The following SGCZ variants were observed in gnomAD, a reference collection of about 807,000 sequenced individuals.
SGCZ encodes zeta-sarcoglycan.
SGCZ carries 40 observed loss-of-function variants against 41.3 expected under a neutral mutation model. That is an observed-to-expected ratio of 0.97 (90% CI 0.75 to 1.26). SGCZ has a LOEUF of 1.26. Among genes scored for constraint, SGCZ ranks in the 50% most tolerant of loss-of-function variants. SGCZ has a pLI of 0.00. For missense variants in SGCZ, 552 were observed against 369.8 expected (o/e 1.49, Z -4.04); for synonymous variants, 206 against 137.5 (o/e 1.50, Z -3.49).
intron 1 of SGCZ, among the ~76,000 whole-genome samples, chr8:14,839,327 G>A (rs576497285): frequency 6.6e-6 from 1 of 152,258 alleles, no homozygotes; most frequent in African/African-American, 2.4e-5. Flanking sequence ...TTACTGAGAT[G>A]ATGCACGCTT....
intron 3 of SGCZ, among the ~76,000 whole-genome samples, chr8:14,277,729 ATCTTC>A (rs984727121): frequency 1.3e-5 from 2 of 152,090 alleles, no homozygotes; most frequent in Non-Finnish European, 2.9e-5. Flanking sequence ...TAACTTCCTA[ATCTTC>A]TCTTGTTTCT....
chr8:14,395,732 A>G (rs10095027), intron 2 of SGCZ, among the ~76,000 whole-genome samples: 25,594 of 152,158 alleles, frequency 0.17, 5,078 homozygotes, highest in African/African-American at 0.48. Context: ...TTGAATGAAC[A>G]TAACCAGACA....
chr8:15,143,496 TC>T (rs1361238380), intron 1 of SGCZ, among the ~76,000 whole-genome samples: 2 of 152,238 alleles, frequency 1.3e-5, no homozygotes, highest in African/African-American at 4.8e-5. Context: ...GCTCCAGTTT[TC>T]CAAAGTGTTT....
intron 1 of SGCZ, among the ~76,000 whole-genome samples, chr8:14,652,712 A>T (rs923546137): frequency 6.6e-6 from 1 of 152,108 alleles, no homozygotes. Context: ...ATAGGAAAGG[A>T]AAGTTTGTTA....
At chr8:14,101,983 C>CGTGAATGGGA (rs987633469) in intron 7 of SGCZ, among the ~76,000 whole-genome samples, 1 of 150,826 alleles carries the variant, frequency 6.6e-6, no homozygotes, top group African/African-American at 2.4e-5. Flanking sequence ...CCCATGGGTT[C>CGTGAATGGGA]GTGAATGGGA....
intron 1 of SGCZ, among the ~76,000 whole-genome samples, chr8:14,636,726 G>A (rs1806840656): frequency 6.6e-6 from 1 of 151,728 alleles, no homozygotes; most frequent in African/African-American, 2.4e-5. Flanking sequence ...ACAAGTATAT[G>A]GGAAGTAACT....
intron 3 of SGCZ, among the ~76,000 whole-genome samples, chr8:14,272,053 G>C (rs992006991): frequency 6.6e-6 from 1 of 152,226 alleles, no homozygotes; most frequent in East Asian, 1.9e-4. Flanking sequence ...GCCCATGCTG[G>C]AGTTCAGTGG....
intron 3 of SGCZ, among the ~76,000 whole-genome samples, chr8:14,276,962 C>G (rs1027772004): frequency 6.6e-6 from 1 of 152,164 alleles, no homozygotes; most frequent in Non-Finnish European, 1.5e-5. Flanking sequence ...AATTATGTAA[C>G]GGGGCCTTTT....
At chr8:14,936,964 C>A (rs2130813978) in intron 1 of SGCZ, among the ~76,000 whole-genome samples, 2 of 151,774 alleles carry the variant, frequency 1.3e-5, no homozygotes, top group Middle Eastern at 7.2e-3. Flanking sequence ...AATTAAAAAA[C>A]ACAATATTTC....
At chr8:14,742,915 A>G (rs1196910161) in intron 1 of SGCZ, among the ~76,000 whole-genome samples, 1 of 152,140 alleles carries the variant, frequency 6.6e-6, no homozygotes, top group Non-Finnish European at 1.5e-5. Flanking sequence ...CCAAGAACCA[A>G]GGACCTAAAA....
intron 1 of SGCZ, among the ~76,000 whole-genome samples, chr8:15,193,656 C>T (rs1365246590): frequency 2.0e-5 from 3 of 152,158 alleles, no homozygotes; most frequent in African/African-American, 7.2e-5. Flanking sequence ...GCATTGTTCT[C>T]TTACAACTGC....
At position 14,085,285 on chromosome 8, in the gene SGCZ, A is replaced by C. The variant is rs1179569790; in HGVS notation, c.*5158T>G. ...CATATATCTATATATACAAGAAAAC[A>C]TTTACATGAAAGTACAAAACAAAAT... On this transcript the variant is annotated 3_prime_UTR_variant, in exon 8 of 8. Transcript: ENST00000382080. 6.6e-6 allele frequency among the ~76,000 whole-genome samples: 1 copy of C among 151,798 alleles called. No homozygotes were observed. The highest frequency in any genetic ancestry group is 1.5e-5 in the Non-Finnish European group (1 of 67,820).
intron 1 of SGCZ, among the ~76,000 whole-genome samples, chr8:14,926,610 T>TTTG (rs140379411): frequency 0.12 from 18,408 of 151,822 alleles, 1,261 homozygotes; most frequent in African/African-American, 0.19. Context: ...GTAGACAGTT[T>TTTG]TTTGTTTGTT....
At chr8:15,123,711 G>A (rs1027530908) in intron 1 of SGCZ, among the ~76,000 whole-genome samples, 1 of 152,142 alleles carries the variant, frequency 6.6e-6, no homozygotes, top group African/African-American at 2.4e-5. Flanking sequence ...GGGTGAACAA[G>A]GCACCTACCC....
chr8:14,544,474 T>C (rs1033299939), intron 2 of SGCZ, among the ~76,000 whole-genome samples: 16 of 152,108 alleles, frequency 1.1e-4, no homozygotes, highest in Admixed American at 1.0e-3. Flanking sequence ...AGAGAGCCTA[T>C]AAACGGACGT....
intron 1 of SGCZ, among the ~76,000 whole-genome samples, chr8:15,203,497 T>TCA (rs1800962531): frequency 6.6e-6 from 1 of 152,278 alleles, no homozygotes; most frequent in African/African-American, 2.4e-5. Flanking sequence ...CTTGTAAATT[T>TCA]CACTATATGG....
At chr8:14,731,903 T>A (rs1401243886) in intron 1 of SGCZ, among the ~76,000 whole-genome samples, 1 of 152,190 alleles carries the variant, frequency 6.6e-6, no homozygotes, top group Non-Finnish European at 1.5e-5. Flanking sequence ...ATCTCTGACC[T>A]ATTATCATGT....
chr8:14,244,352 T>C (rs930127748), intron 3 of SGCZ, among the ~76,000 whole-genome samples: 12 of 152,186 alleles, frequency 7.9e-5, no homozygotes, highest in Admixed American at 3.3e-4. Context: ...AAATTATTAT[T>C]TAATGGTTAT....
chr8:14,864,304 T>C (rs1367867465), intron 1 of SGCZ, among the ~76,000 whole-genome samples: 2 of 152,184 alleles, frequency 1.3e-5, no homozygotes, highest in Admixed American at 6.5e-5. Context: ...TCAACCAGTC[T>C]TACAATTTGT....
Sources: gnomAD v4.1 joint callset for allele counts (sites outside exome capture counted in the v4.1 genomes callset) on GRCh38, gnomAD v4.1.1 for gene constraint, MANE v1.5 for transcripts, NCBI Gene and HGNC (gene_info 2026-07-23, HGNC 2026-07-21) for gene names.